The following UCHL1 variants were observed in gnomAD, a reference collection of about 807,000 sequenced individuals.
UCHL1 encodes the protein ubiquitin carboxyl-terminal hydrolase isozyme L1.
UCHL1 carries 5 observed loss-of-function variants against 33.3 expected under a neutral mutation model. The observed-to-expected ratio is 0.15, with a 90% CI of 0.08 to 0.32. UCHL1 has a LOEUF of 0.32. Ranked by LOEUF, UCHL1 falls within the 10% of genes least tolerant of loss-of-function variation. UCHL1 has a pLI of 1.00. For missense variants in UCHL1, 236 were observed against 280.0 expected (o/e 0.84, Z 1.12); for synonymous variants, 132 against 108.8 (o/e 1.21, Z -1.33).
At chr4:41,258,562 C>T (rs1033453416) in intron 3 of UCHL1, among the ~76,000 whole-genome samples, 2 of 152,024 alleles carry the variant, frequency 1.3e-5, no homozygotes, top group African/African-American at 2.4e-5. Flanking sequence ...GAATCCCAGT[C>T]ATTAGCGCAT....
intron 8 of UCHL1, among the ~76,000 whole-genome samples, chr4:41,266,976 C>G (rs1781164562): frequency 6.6e-6 from 1 of 152,138 alleles, no homozygotes; most frequent in African/African-American, 2.4e-5. Context: ...TAGAGCATTC[C>G]TTTTCTCCTT....
intron 6 of UCHL1, among the ~76,000 whole-genome samples, chr4:41,262,540 G>C (rs1239353726): frequency 6.6e-6 from 1 of 152,008 alleles, no homozygotes; most frequent in Non-Finnish European, 1.5e-5. Context: ...GCCCAACGAA[G>C]GACAAGTTCT....
At chr4:41,265,742 G>A (rs2154087309) in intron 8 of UCHL1, among the ~76,000 whole-genome samples, 1 of 152,270 alleles carries the variant, frequency 6.6e-6, no homozygotes, top group Non-Finnish European at 1.5e-5. Flanking sequence ...TAATAGGGAA[G>A]GTTGATTTCT....
rs151015575 is a variant in UCHL1, at chr4:41,259,047, A to G, written c.174+1310A>G. Among the ~76,000 whole-genome samples, 716 of 152,296 alleles carry G rather than the reference A, an allele frequency of 4.7e-3. 3 individuals carry two copies. The highest frequency in any genetic ancestry group is 0.016 in the African/African-American group (667 of 41,550). On this transcript the variant is annotated intron_variant, in intron 3 of 8. Transcript: ENST00000284440. Reference sequence around the variant, plus strand: ...GCAGCATGTTTGCCTTTAAAAGCTGACTGTTCTCCTTTTGCTGAATCTTGT... The same window carrying G: ...GCAGCATGTTTGCCTTTAAAAGCTGGCTGTTCTCCTTTTGCTGAATCTTGT...
intron 3 of UCHL1, among the ~76,000 whole-genome samples, chr4:41,260,249 TTGAC>T (rs1344217658): frequency 6.6e-6 from 1 of 152,178 alleles, no homozygotes; most frequent in African/African-American, 2.4e-5. Context: ...GGGCATTCAA[TTGAC>T]TGAAGCTTGA....
intron 8 of UCHL1, among the ~76,000 whole-genome samples, chr4:41,267,167 T>G (rs1305042951): frequency 2.0e-5 from 3 of 152,210 alleles, no homozygotes; most frequent in Admixed American, 6.5e-5. Context: ...GCATGTCACT[T>G]CACCATCAAT....
rs1781186045 is a variant in UCHL1 at position 41,268,260 on chromosome 4, G to A, written c.*187G>A. 2 of 637,442 alleles carry A rather than the reference G, an allele frequency of 3.1e-6. No individual in the cohort carries two copies. The highest frequency in any genetic ancestry group is 5.6e-6 in the Non-Finnish European group (2 of 354,970). The allele number at this position is 637,442 out of a possible 1,614,324, so 39.5% of individuals were successfully genotyped here. A position where few individuals can be genotyped will look rare whatever the true frequency, so the allele number is the denominator to read the frequency against. On this transcript the variant is annotated 3_prime_UTR_variant, in exon 9 of 9. Coordinates refer to ENST00000284440, the MANE Select transcript of UCHL1 (RefSeq NM_004181.5). ...AGCAGAGTGCACAGCTGTCCACTGG[G>A]CCATTGTGGTGTGAGCTTCAGATGG...
chr4:41,266,881 C>T (rs1017050945), intron 8 of UCHL1, among the ~76,000 whole-genome samples: 1 of 152,142 alleles, frequency 6.6e-6, no homozygotes, highest in African/African-American at 2.4e-5. Flanking sequence ...GCTGAGATTG[C>T]AGGCCTGAGC....
rs370072403 is a variant in UCHL1, at chr4:41,267,348, A to G, written c.586-639A>G. Among the ~76,000 whole-genome samples, 15 of 152,136 alleles carry G rather than the reference A, an allele frequency of 9.9e-5. No homozygotes were observed. The South Asian group carries it at 2.9e-3, about 29-fold the overall frequency. Reference sequence around the variant, plus strand: ...AAGCTCCGCCTCCTGGGTTCACGCCATTCTCCTGCCTTAGCCTCTCAGAGT... The same window carrying G: ...AAGCTCCGCCTCCTGGGTTCACGCCGTTCTCCTGCCTTAGCCTCTCAGAGT... On this transcript the variant is annotated intron_variant, in intron 8 of 8. Coordinates refer to ENST00000284440, the MANE Select transcript of UCHL1 (RefSeq NM_004181.5).
chr4:41,263,156 C>G, intron 6 of UCHL1, 69 bp from the exon 7 acceptor site: 1 of 1,247,226 alleles, frequency 8.0e-7, no homozygotes, highest in Non-Finnish European at 1.2e-6. Context: ...GCACATTTCA[C>G]TTGAATTGCA....
chr4:41,265,381 C>T (rs538210979), intron 8 of UCHL1, among the ~76,000 whole-genome samples: 19 of 152,250 alleles, frequency 1.2e-4, no homozygotes, highest in African/African-American at 4.3e-4. Flanking sequence ...AGTTCAAGAC[C>T]AGCCTGGGCA....
At position 41,261,763 on chromosome 4, in the gene UCHL1, C is replaced by T. The variant is rs1310843316; in HGVS notation, c.374C>T (p.Ser125Phe). 1.9e-6 allele frequency: 3 copies of T among 1,613,598 alleles called. No individual in the cohort carries two copies. Among genetic ancestry groups the T allele is most frequent in the Non-Finnish European group, 2.5e-6 (3 of 1,180,026 alleles). ...KQFLSETEKMSPEDRAKCFEK... is the reference protein window; with the variant it reads ...KQFLSETEKMFPEDRAKCFEK... ...TTTCTTTCTGAAACAGAGAAAATGT[C>T]CCCTGAAGACAGAGCAAAATGCTTT... is the stretch of plus-strand genomic sequence containing the variant. Residue 125 changes from serine to phenylalanine, a missense_variant, in exon 5 of 9, where the codon TCC (serine) becomes TTC (phenylalanine). Physicochemically the swap from Ser to Phe is radical, Grantham distance 155 (BLOSUM62 -2). Transcript: ENST00000284440.
At chr4:41,257,357 C>T (rs1267123488) in intron 2 of UCHL1, 6 of 922,358 alleles carry the variant, frequency 6.5e-6, no homozygotes, top group South Asian at 5.4e-5. Flanking sequence ...GAGCGAGCGC[C>T]AGGCGGAGCT....
chr4:41,257,370 C>T (rs1400295863), intron 2 of UCHL1: 9 of 899,498 alleles, frequency 1.0e-5, no homozygotes, highest in Non-Finnish European at 1.4e-5. Context: ...GCGGAGCTCC[C>T]GAGGGCGTGG....
chr4:41,265,561 A>G (rs1370219331), intron 8 of UCHL1, among the ~76,000 whole-genome samples: 3 of 151,612 alleles, frequency 2.0e-5, no homozygotes, highest in Admixed American at 6.6e-5. Context: ...TCTGGGCAAC[A>G]GAGCAAGACT....
At chr4:41,267,446 C>T (rs1040569439) in intron 8 of UCHL1, among the ~76,000 whole-genome samples, 2 of 152,144 alleles carry the variant, frequency 1.3e-5, no homozygotes, top group African/African-American at 4.8e-5. Context: ...CGTGGTTTCA[C>T]CATGTTGGCC....
In UCHL1 at chr4:41,261,814, C is replaced by T. The variant is rs370581648; in HGVS notation, c.411+14C>T. 12 of 1,613,986 alleles carry T rather than the reference C, an allele frequency of 7.4e-6. No individual in the cohort carries two copies. The African/African-American group carries it at 1.5e-4, about 20-fold the overall frequency. ...GAAAAGAATGAGGTAAGAGAACTTA[C>T]AGAGCATGGCCTTTAAATAACTCTA... On this transcript the variant is annotated intron_variant, in intron 5 of 8. Transcript: ENST00000284440.
intron 8 of UCHL1, among the ~76,000 whole-genome samples, chr4:41,266,335 C>T (rs1781153972): frequency 6.7e-6 from 1 of 150,118 alleles, no homozygotes; most frequent in Admixed American, 6.7e-5. Flanking sequence ...CTAAGTAAGG[C>T]TGGTTCTATA....
At chr4:41,264,292 G>T in intron 8 of UCHL1, 131 bp downstream of exon 8, 1 of 1,152,640 alleles carries the variant, frequency 8.7e-7, no homozygotes, top group Admixed American at 1.8e-5. Flanking sequence ...CTTTAGGGCT[G>T]CAAGATCCTC....
Sources: allele counts gnomAD v4.1 joint callset (sites outside exome capture counted in the v4.1 genomes callset), GRCh38; gene constraint gnomAD v4.1.1; transcripts MANE v1.5; gene names NCBI Gene and HGNC (gene_info 2026-07-23, HGNC 2026-07-21).